The following MPPED2 variants were observed in gnomAD, a reference collection of about 807,000 sequenced individuals.
MPPED2 encodes metallophosphoesterase domain containing 2.
A neutral mutation model predicts 33.0 loss-of-function variants in MPPED2; 5 were observed. The ratio of observed to expected loss-of-function variants is 0.15; its 90% CI spans 0.08 to 0.32. The LOEUF (loss-of-function observed/expected upper bound fraction) is 0.32, where lower values mean the gene tolerates loss of function less well. Among genes scored for constraint, MPPED2 ranks in the 10% least tolerant of loss-of-function variants. The pLI, the probability that MPPED2 is intolerant of heterozygous loss-of-function variation, is 1.00. For synonymous variants in MPPED2, 136 were observed against 141.9 expected (o/e 0.96, Z 0.29); for missense variants, 275 against 372.1 (o/e 0.74, Z 2.15).
intron 4 of MPPED2, among the ~76,000 whole-genome samples, chr11:30,494,231 T>C (rs114766960): frequency 1.6e-3 from 246 of 152,158 alleles, no homozygotes; most frequent in African/African-American, 5.6e-3. Flanking sequence ...TTATGACTGC[T>C]TCCAGTACAA....
chr11:30,411,090 A>C lies in MPPED2; in HGVS notation c.*378T>G. 1.0e-6 allele frequency: 1 copy of C among 989,208 alleles called. No individual in the cohort carries two copies. Among genetic ancestry groups the C allele is most frequent in the Non-Finnish European group, 1.2e-6 (1 of 832,134 alleles). 61.3% of individuals were successfully genotyped at this position (989,208 alleles called of 1,614,324 possible). ...AAACAATACTCTTAAACAGTTGTGC[A>C]AATCTGTGTTGGTTTTTAAAACACT... On this transcript the variant is annotated 3_prime_UTR_variant, in exon 7 of 7. Transcript: ENST00000358117.
intron 4 of MPPED2, among the ~76,000 whole-genome samples, chr11:30,453,603 G>A (rs1450858471): frequency 6.6e-6 from 1 of 152,164 alleles, no homozygotes; most frequent in Non-Finnish European, 1.5e-5. Flanking sequence ...CTTAGACATT[G>A]GGGAAATAAC....
In MPPED2 at chr11:30,475,602, A is replaced by G. The variant is rs76105229; in HGVS notation, c.536+19694T>C. ...ATTCAATATAATGATCTTCAAATTC[A>G]TTCATGTTATCCCATGTTTTAGTAT... On this transcript the variant is annotated intron_variant, in intron 4 of 6. Transcript: ENST00000358117. 1.7e-3 allele frequency among the ~76,000 whole-genome samples: 253 copies of G among 152,278 alleles called. 5 individuals carry two copies. The East Asian group carries it at 0.042, about 25-fold the overall frequency.
At chr11:30,474,719 A>T (rs963768428) in intron 4 of MPPED2, among the ~76,000 whole-genome samples, 2 of 152,052 alleles carry the variant, frequency 1.3e-5, no homozygotes, top group Non-Finnish European at 2.9e-5. Context: ...AATAAGAAAT[A>T]AGAAGTGAAT....
At chr11:30,417,064 G>A (rs1249132807) in intron 5 of MPPED2, among the ~76,000 whole-genome samples, 1 of 152,114 alleles carries the variant, frequency 6.6e-6, no homozygotes, top group African/African-American at 2.4e-5. Context: ...CAGCTCAAAT[G>A]TTAAACTTTA....
chr11:30,496,358 T>A (rs1246475545), intron 3 of MPPED2, among the ~76,000 whole-genome samples: 1 of 152,222 alleles, frequency 6.6e-6, no homozygotes, highest in Non-Finnish European at 1.5e-5. Flanking sequence ...CGTGATGCTA[T>A]AAGAACGAAA....
At chr11:30,506,899 G>A (rs111575410) in intron 3 of MPPED2, among the ~76,000 whole-genome samples, 2,729 of 152,312 alleles carry the variant, frequency 0.018, 91 homozygotes, top group African/African-American at 0.062. Context: ...CAGAATGGAG[G>A]GTTGACAGTG....
At chr11:30,446,804 G>A (rs1464974188) in intron 4 of MPPED2, among the ~76,000 whole-genome samples, 4 of 151,634 alleles carry the variant, frequency 2.6e-5, no homozygotes, top group Admixed American at 2.0e-4. Context: ...GACTGTCGGA[G>A]CCCCCCCCGA....
At chr11:30,528,457 C>T (rs1279759430) in intron 3 of MPPED2, among the ~76,000 whole-genome samples, 1 of 152,010 alleles carries the variant, frequency 6.6e-6, no homozygotes, top group Non-Finnish European at 1.5e-5. Flanking sequence ...AGGGTTTTGC[C>T]ATGTTGCCCA....
rs183093255 is a variant in MPPED2, at chr11:30,500,304, C to T, written c.311-4783G>A. 7.9e-5 allele frequency among the ~76,000 whole-genome samples: 12 copies of T among 152,274 alleles called. No homozygotes were observed. The East Asian group carries it at 2.3e-3, about 29-fold the overall frequency. On this transcript the variant is annotated intron_variant, in intron 3 of 6. Coordinates refer to ENST00000358117, the MANE Select transcript of MPPED2 (RefSeq NM_001584.3). ...TCCTCCCTCTCTGATATTTCCTCTC[C>T]TCTCTCTTCTTCCTCAGCTTCCTTT...
intron 4 of MPPED2, among the ~76,000 whole-genome samples, chr11:30,482,573 G>GT (rs1554978375): frequency 6.6e-6 from 1 of 151,960 alleles, no homozygotes; most frequent in Non-Finnish European, 1.5e-5. Context: ...CCCTTTCATT[G>GT]TTTTTTCTAC....
At chr11:30,439,556 T>C (rs1202668928) in intron 4 of MPPED2, among the ~76,000 whole-genome samples, 5 of 152,126 alleles carry the variant, frequency 3.3e-5, no homozygotes, top group South Asian at 2.1e-4. Context: ...AAAAAGGCAA[T>C]TTCTTTGAAT....
rs1006722057 is a variant in MPPED2 at position 30,585,103 on chromosome 11, C to T, written c.-122+939G>A. The T allele has an allele frequency of 1.2e-4, 19 of 152,166 alleles. 1 individual carries two copies. Among genetic ancestry groups the T allele is most frequent in the African/African-American group, 4.6e-4 (19 of 41,392 alleles). 9.4% of individuals were successfully genotyped at this position (152,166 alleles called of 1,614,324 possible). On this transcript the variant is annotated intron_variant, in intron 1 of 6. Coordinates refer to ENST00000358117, the MANE Select transcript of MPPED2 (RefSeq NM_001584.3). ...GCTCCTGAGCCTCTAGAAAAATGCC[C>T]CCTTCACCTCCTAGGCCGCAAAACC...
At chr11:30,428,452 T>A (rs1948939703) in intron 4 of MPPED2, among the ~76,000 whole-genome samples, 1 of 152,106 alleles carries the variant, frequency 6.6e-6, no homozygotes, top group Non-Finnish European at 1.5e-5. Context: ...GGTGGGAGGA[T>A]CCCTTGAGCC....
At chr11:30,585,321 C>T (rs1023712672) in intron 1 of MPPED2, among the ~76,000 whole-genome samples, 49 of 152,112 alleles carry the variant, frequency 3.2e-4, no homozygotes, top group Admixed American at 6.5e-4. Context: ...CAGGCAGCGG[C>T]GGAGAGTGAG....
intron 3 of MPPED2, among the ~76,000 whole-genome samples, chr11:30,509,163 A>G (rs1483133895): frequency 2.0e-5 from 3 of 152,186 alleles, no homozygotes; most frequent in African/African-American, 7.2e-5. Flanking sequence ...TCTGATTTTT[A>G]AAATCTGTTA....
chr11:30,438,914 C>A (rs546694583), intron 4 of MPPED2, among the ~76,000 whole-genome samples: 1 of 152,304 alleles, frequency 6.6e-6, no homozygotes, highest in African/African-American at 2.4e-5. Context: ...GGCAGAGATA[C>A]CATCTTCCCC....
chr11:30,533,687 A>G lies in MPPED2; in HGVS notation c.310+2307T>C, dbSNP rs78284423. Among the ~76,000 whole-genome samples, 318 of 152,198 alleles carry G rather than the reference A, an allele frequency of 2.1e-3. 2 individuals carry two copies. Among genetic ancestry groups the G allele is most frequent in the African/African-American group, 7.3e-3 (305 of 41,546 alleles). Reference sequence around the variant, plus strand: ...TTCTTGGCCTTCTCTATGGGATCCCAACTTCTCTAACCATATCCCAGGGCT... The same window carrying G: ...TTCTTGGCCTTCTCTATGGGATCCCGACTTCTCTAACCATATCCCAGGGCT... On this transcript the variant is annotated intron_variant, in intron 3 of 6. Transcript: ENST00000358117.
At chr11:30,570,595 G>C (rs766886055) in intron 2 of MPPED2, among the ~76,000 whole-genome samples, 33 of 152,098 alleles carry the variant, frequency 2.2e-4, no homozygotes, top group Non-Finnish European at 3.8e-4. Context: ...ACAAACTGGA[G>C]AAAAATTTCC....
Sources: gnomAD v4.1 joint callset for allele counts (sites outside exome capture counted in the v4.1 genomes callset) on GRCh38, gnomAD v4.1.1 for gene constraint, MANE v1.5 for transcripts, NCBI Gene and HGNC (gene_info 2026-07-23, HGNC 2026-07-21) for gene names.